DLG5: variants seen among roughly 807,000 people sequenced by gnomAD.
The protein encoded by DLG5 is discs large MAGUK scaffold protein 5, also known as disks large homolog 5.
In DLG5, 48 loss-of-function variants were observed where a neutral mutation model predicts 189.8. The observed-to-expected ratio is 0.25, with a 90% CI of 0.20 to 0.32. DLG5 has a LOEUF of 0.32. Among genes scored for constraint, DLG5 ranks in the 10% least tolerant of loss-of-function variants. DLG5 has a pLI of 1.00. For synonymous variants in DLG5, 1,016 were observed against 1,054.1 expected, an observed-to-expected ratio of 0.96 and a Z score of 0.70; for missense variants, 2,160 against 2,544.7, an observed-to-expected ratio of 0.85 and a Z score of 3.25.
chr10:77,894,966 A>G (rs1478803258), intron 1 of DLG5, among the ~76,000 whole-genome samples: 1 of 152,092 alleles, frequency 6.6e-6, no homozygotes, highest in Non-Finnish European at 1.5e-5. Context: ...CTTCCTTCCT[A>G]TGTCCTTTCA....
chr10:77,899,550 A>G (rs1324187316), intron 1 of DLG5, among the ~76,000 whole-genome samples: 1 of 152,168 alleles, frequency 6.6e-6, no homozygotes, highest in African/African-American at 2.4e-5. Flanking sequence ...CCCGGGGCAC[A>G]CATGAGTGGT....
chr10:77,868,742 A>C (rs1489133791), intron 2 of DLG5: 1 of 253,934 alleles, frequency 3.9e-6, no homozygotes, highest in Non-Finnish European at 7.6e-6. Flanking sequence ...AGAGAAACAC[A>C]CCCAATTCAG....
intron 25 of DLG5, among the ~76,000 whole-genome samples, chr10:77,807,317 G>A (rs537763483): frequency 1.6e-4 from 24 of 152,258 alleles, no homozygotes; most frequent in Admixed American, 1.1e-3. Flanking sequence ...GAGTTGTACC[G>A]CATCAGTGTT....
intron 1 of DLG5, among the ~76,000 whole-genome samples, chr10:77,883,784 C>G (rs532755357): frequency 9.0e-4 from 136 of 151,268 alleles, no homozygotes; most frequent in Non-Finnish European, 1.8e-3. Flanking sequence ...GCAACCTCCC[C>G]CTTCTGGGTT....
chr10:77,912,721 C>A (rs917662872), intron 1 of DLG5, among the ~76,000 whole-genome samples: 1 of 152,140 alleles, frequency 6.6e-6, no homozygotes, highest in Non-Finnish European at 1.5e-5. Context: ...AAGAGGAAAC[C>A]TACAAAGGAA....
At chr10:77,865,197 G>A (rs1318504446) in intron 2 of DLG5, among the ~76,000 whole-genome samples, 2 of 152,192 alleles carry the variant, frequency 1.3e-5, no homozygotes, top group African/African-American at 2.4e-5. Flanking sequence ...ATTTGGGGCC[G>A]TGTTCACCGT....
In DLG5 at chr10:77,794,106, T is replaced by G; in HGVS notation, c.5558A>C (p.Asp1853Ala). The change falls in exon 31 of 32, where the codon GAC (aspartate) becomes GCC (alanine). Residue 1853 changes from aspartate (D) to alanine (A), a missense_variant. Around this residue, in one of 5 missense-constraint regions of DLG5, gnomAD observed 574 missense variants for 644.2 expected, o/e 0.89. Coordinates refer to ENST00000372391, the MANE Select transcript of DLG5 (RefSeq NM_004747.4). ...KSAKHIKEQR[D>A]PIYLRDKVTQ... The stretch of plus-strand genomic sequence containing the variant: ...CACCTTGTCCCTCAGGTAGATGGGG[T>G]CTCTCTGCTCCCTGTGGGGACAGCC... 6.2e-7 allele frequency: 1 copy of G among 1,614,044 alleles called. No homozygotes were observed. The highest frequency in any genetic ancestry group is 8.5e-7 in the Non-Finnish European group (1 of 1,179,972).
intron 5 of DLG5, among the ~76,000 whole-genome samples, chr10:77,849,717 G>A (rs906067207): frequency 6.6e-6 from 1 of 152,204 alleles, no homozygotes; most frequent in Non-Finnish European, 1.5e-5. Context: ...CCCCTGTGAG[G>A]CAGACAGGAA....
At chr10:77,857,421 C>T (rs1844288847) in intron 2 of DLG5, among the ~76,000 whole-genome samples, 1 of 152,232 alleles carries the variant, frequency 6.6e-6, no homozygotes, top group African/African-American at 2.4e-5. Flanking sequence ...CTGGACAGTG[C>T]ACGGCTCCCT....
the DLG5 span, among the ~76,000 whole-genome samples, chr10:77,932,189 G>A: frequency 1.3e-5 from 2 of 152,216 alleles, no homozygotes; most frequent in Non-Finnish European, 2.9e-5. Context: ...TTCCCTCTGC[G>A]AGGAAAGACT....
chr10:77,870,449 A>G (rs1615211), intron 1 of DLG5, among the ~76,000 whole-genome samples: 107,273 of 152,084 alleles, frequency 0.71, 38,114 homozygotes, highest in African/African-American at 0.78. Flanking sequence ...TTGGGAGGCC[A>G]AGGTGGGCAG....
upstream of DLG5, among the ~76,000 whole-genome samples, chr10:77,930,282 G>A (rs112112684): frequency 1.5e-3 from 222 of 151,676 alleles, 3 homozygotes; most frequent in African/African-American, 4.6e-3. Context: ...ACTGCTCACC[G>A]CTTGGTTGGT....
At chr10:77,913,585 T>C (rs1846282861) in intron 1 of DLG5, among the ~76,000 whole-genome samples, 1 of 152,144 alleles carries the variant, frequency 6.6e-6, no homozygotes, top group Admixed American at 6.6e-5. Flanking sequence ...TGTGAATGTC[T>C]TTTTCATTTT....
chr10:77,849,811 G>A (rs184977471), intron 5 of DLG5, among the ~76,000 whole-genome samples: 15 of 152,320 alleles, frequency 9.8e-5, no homozygotes, highest in African/African-American at 1.9e-4. Context: ...GTCAGAGAAC[G>A]GGAGACAAGG....
chr10:77,882,189 A>T (rs1845301958), intron 1 of DLG5, among the ~76,000 whole-genome samples: 1 of 152,222 alleles, frequency 6.6e-6, no homozygotes, highest in Non-Finnish European at 1.5e-5. Context: ...GGAGGCACAA[A>T]GTGACCCCAT....
chr10:77,836,855 A>G (rs751159447), intron 7 of DLG5, among the ~76,000 whole-genome samples: 4 of 151,526 alleles, frequency 2.6e-5, no homozygotes, highest in Non-Finnish European at 4.4e-5. Context: ...TTTACATGGT[A>G]TGCTGTGTTT....
chr10:77,820,936 C>T (rs1842314026), intron 15 of DLG5, 146 bp downstream of exon 15: 1 of 1,117,176 alleles, frequency 9.0e-7, no homozygotes, highest in Non-Finnish European at 1.2e-6. Context: ...AGCTGGGCCA[C>T]TTCCCACTTG....
intron 1 of DLG5, among the ~76,000 whole-genome samples, chr10:77,903,857 C>T (rs1846000283): frequency 2.0e-5 from 3 of 152,136 alleles, no homozygotes. Context: ...AAACTTGGAG[C>T]CCACTTCAAT....
Position 77,811,218 on chromosome 10 carries a change from CA to C in DLG5, c.4338del (p.Ala1447ProfsTer24). ...CCCTGGAGAGTGGAGTGGGTACCGG[CA>C]GGGTCCAGGTGTGAGCTGGAGGCGG... ...SHSRSSSHLD[P>X]AGTHSTLQGS... On this transcript the variant is annotated frameshift_variant, in exon 23 of 32. Coordinates refer to ENST00000372391, the MANE Select transcript of DLG5 (RefSeq NM_004747.4). LOFTEE classifies it high-confidence loss of function. 1 of 1,613,114 alleles carries C rather than the reference CA, an allele frequency of 6.2e-7. No individual in the cohort carries two copies.
Sources: gnomAD v4.1 joint callset for allele counts (sites outside exome capture counted in the v4.1 genomes callset) on GRCh38, gnomAD v4.1.1 for gene constraint, gnomAD v4.1.1 regional missense constraint, MANE v1.5 for transcripts, NCBI Gene and HGNC (gene_info 2026-07-23, HGNC 2026-07-21) for gene names.